Variants in GTF2IRD1 observed in about 807,000 individuals in gnomAD.
GTF2IRD1 encodes the protein general transcription factor II-I repeat domain-containing protein 1.
In GTF2IRD1, 26 loss-of-function variants were observed where a neutral mutation model predicts 113.2. The ratio of observed to expected loss-of-function variants is 0.23; its 90% CI spans 0.17 to 0.32. The LOEUF (loss-of-function observed/expected upper bound fraction) is 0.32, where lower values mean the gene tolerates loss of function less well. Ranked by LOEUF, GTF2IRD1 falls within the 10% of genes least tolerant of loss-of-function variation. GTF2IRD1 has a pLI of 1.00. For missense variants in GTF2IRD1, 864 were observed against 1,280.8 expected (o/e 0.67, Z 4.97); for synonymous variants, 484 against 529.1 (o/e 0.91, Z 1.17).
intron 9 of GTF2IRD1, among the ~76,000 whole-genome samples, chr7:74,533,844 A>C (rs1325639283): frequency 1.3e-5 from 2 of 152,002 alleles, no homozygotes; most frequent in Non-Finnish European, 2.9e-5. Flanking sequence ...TGTGGACAAC[A>C]CAGTAAGACC....
intron 8 of GTF2IRD1, among the ~76,000 whole-genome samples, chr7:74,527,395 G>A (rs918697746): frequency 3.9e-5 from 6 of 152,206 alleles, no homozygotes; most frequent in Non-Finnish European, 8.8e-5. Context: ...AAAAGGCTGA[G>A]GTAGGAGGAT....
intron 19 of GTF2IRD1, among the ~76,000 whole-genome samples, chr7:74,556,069 G>A (rs1458547096): frequency 6.6e-6 from 1 of 152,022 alleles, no homozygotes; most frequent in Non-Finnish European, 1.5e-5. Context: ...GGCCAACATG[G>A]TGAAACCCCG....
chr7:74,505,542 C>T (rs555821799), intron 1 of GTF2IRD1, among the ~76,000 whole-genome samples: 31 of 152,318 alleles, frequency 2.0e-4, no homozygotes, highest in African/African-American at 6.7e-4. Context: ...CCTTCCTAAA[C>T]GGATTAGAGC....
At position 74,467,406 on chromosome 7, in the gene GTF2IRD1, G is replaced by A. The variant is rs576188297; in HGVS notation, c.-7+13230G>A. ...TCTGAGCCGAGTACAGCCCAATTTG[G>A]AGCGTTTCCCTCCAGGAAAGGCAGC... On this transcript the variant is annotated intron_variant, in intron 1 of 26. Transcript: ENST00000424337. Among the ~76,000 whole-genome samples the A allele has an allele frequency of 3.3e-5, 5 of 152,318 alleles. No homozygotes were observed. The East Asian group carries it at 9.7e-4, about 29-fold the overall frequency.
intron 1 of GTF2IRD1, among the ~76,000 whole-genome samples, chr7:74,504,224 GTC>G (rs1474777483): frequency 7.0e-6 from 1 of 143,832 alleles, no homozygotes; most frequent in Non-Finnish European, 1.5e-5. Flanking sequence ...GAACAGATGC[GTC>G]TCTCACCTTA....
At chr7:74,556,789 A>G (rs1799626141) in intron 19 of GTF2IRD1, among the ~76,000 whole-genome samples, 1 of 147,916 alleles carries the variant, frequency 6.8e-6, no homozygotes, top group Admixed American at 6.8e-5. Flanking sequence ...ATGCCTGGCT[A>G]ATTTTTGTAT....
At chr7:74,469,593 T>C (rs2116990507) in intron 1 of GTF2IRD1, among the ~76,000 whole-genome samples, 1 of 152,384 alleles carries the variant, frequency 6.6e-6, no homozygotes, top group African/African-American at 2.4e-5. Context: ...ATCCACATTG[T>C]AGCGTGAGTC....
chr7:74,507,825 C>T, intron 1 of GTF2IRD1: 1 of 439,514 alleles, frequency 2.3e-6, no homozygotes, highest in East Asian at 4.3e-5. Flanking sequence ...GGTCCTGGTG[C>T]TGGGCTCAGC....
chr7:74,508,355 A>G (rs541665035), intron 2 of GTF2IRD1, 152 bp downstream of exon 2: 1 of 776,964 alleles, frequency 1.3e-6, no homozygotes, highest in Admixed American at 2.7e-5. Context: ...GCCTGCATCA[A>G]GGGTGTGAGA....
chr7:74,542,768 G>A (rs1798703594), intron 14 of GTF2IRD1, among the ~76,000 whole-genome samples: 1 of 152,232 alleles, frequency 6.6e-6, no homozygotes, highest in Non-Finnish European at 1.5e-5. Flanking sequence ...GTGCCCAGCT[G>A]GGTTTGCAGT....
chr7:74,574,626 A>T (rs1480277687), intron 22 of GTF2IRD1, among the ~76,000 whole-genome samples: 4 of 149,380 alleles, frequency 2.7e-5, no homozygotes, highest in African/African-American at 9.9e-5. Flanking sequence ...TGCCAGGCTA[A>T]TTTTTGTATT....
At chr7:74,535,835 C>G (rs1478218242) in intron 10 of GTF2IRD1, among the ~76,000 whole-genome samples, 3 of 152,220 alleles carry the variant, frequency 2.0e-5, no homozygotes, top group African/African-American at 7.2e-5. Flanking sequence ...CATGGGGAAG[C>G]CCCGGCCCTT....
At chr7:74,551,096 C>T (rs1194512861) in intron 17 of GTF2IRD1, among the ~76,000 whole-genome samples, 1 of 152,118 alleles carries the variant, frequency 6.6e-6, no homozygotes, top group African/African-American at 2.4e-5. Flanking sequence ...AATCCCAGCA[C>T]TTTGAGAGGC....
rs1388816156 is a variant in GTF2IRD1, at chr7:74,589,980, TG to T, written c.2398+58del. ...CACCAAGCCCTCCTCCCGGGGGTGGTGGGGGGCCTCCCTCTGCAGCCAGCCT... is the reference window on the plus strand; with the variant it reads ...CACCAAGCCCTCCTCCCGGGGGTGGTGGGGGCCTCCCTCTGCAGCCAGCCT... On this transcript the variant is annotated intron_variant, in intron 23 of 26. Transcript: ENST00000424337. 5.0e-6 allele frequency: 6 copies of T among 1,209,892 alleles called. No individual in the cohort carries two copies. The African/African-American group carries it at 7.5e-5, about 15-fold the overall frequency. 74.9% of individuals were successfully genotyped at this position (1,209,892 alleles called of 1,614,324 possible).
chr7:74,467,676 T>C (rs1793809764), intron 1 of GTF2IRD1, among the ~76,000 whole-genome samples: 1 of 151,736 alleles, frequency 6.6e-6, no homozygotes, highest in Non-Finnish European at 1.5e-5. Context: ...AATTTTTGTA[T>C]TTTATTTTGT....
At chr7:74,454,629 C>T (rs373532572) in intron 1 of GTF2IRD1, among the ~76,000 whole-genome samples, 3 of 152,088 alleles carry the variant, frequency 2.0e-5, no homozygotes, top group Non-Finnish European at 4.4e-5. Flanking sequence ...GCCCCTGGCC[C>T]GCGCCCCCAA....
chr7:74,492,170 ATT>A (rs782415786), intron 1 of GTF2IRD1, among the ~76,000 whole-genome samples: 20 of 135,664 alleles, frequency 1.5e-4, no homozygotes, highest in Admixed American at 1.5e-4. Flanking sequence ...TTCCCGGCTA[ATT>A]TTTTTTTTTT....
intron 7 of GTF2IRD1, among the ~76,000 whole-genome samples, chr7:74,523,784 C>T (rs1177424938): frequency 1.3e-5 from 2 of 152,154 alleles, no homozygotes; most frequent in African/African-American, 4.8e-5. Context: ...CTTCCAGCCT[C>T]CTGTATGTCT....
chr7:74,521,204 C>G lies in GTF2IRD1; in HGVS notation c.917-4C>G. The G allele has an allele frequency of 1.3e-6, 2 of 1,571,542 alleles. No individual in the cohort carries two copies. Among genetic ancestry groups the G allele is most frequent in the South Asian group, 2.2e-5 (2 of 90,168 alleles). On this transcript the variant is annotated splice_region_variant and splice_polypyrimidine_tract_variant and intron_variant, in intron 6 of 26. Coordinates refer to ENST00000424337, the MANE Select transcript of GTF2IRD1 (RefSeq NM_005685.4). ...GAACCTTCTTCCTTCTCTCCCTTGT[C>G]CAGGACAGAAGCCCACTGGGCCTGG...
Sources: gnomAD v4.1 joint callset for allele counts (sites outside exome capture counted in the v4.1 genomes callset) on GRCh38, gnomAD v4.1.1 for gene constraint, MANE v1.5 for transcripts, NCBI Gene and HGNC (gene_info 2026-07-23, HGNC 2026-07-21) for gene names.